Variants in COX7A2 observed in about 807,000 individuals in gnomAD.
The protein encoded by COX7A2 is cytochrome c oxidase subunit 7A2, mitochondrial.
COX7A2 carries 11 observed loss-of-function variants against 11.6 expected under a neutral mutation model. That is an observed-to-expected ratio of 0.95 (90% CI 0.60 to 1.57). The LOEUF (loss-of-function observed/expected upper bound fraction) is 1.57, where lower values mean the gene tolerates loss of function less well. Ranked by LOEUF, COX7A2 falls within the 40% of genes most tolerant of loss-of-function variation. The pLI is 0.00. For missense variants in COX7A2, 106 were observed against 100.9 expected (o/e 1.05, Z -0.22); for synonymous variants, 30 against 38.2 (o/e 0.78, Z 0.79).
chr6:75,248,588 A>G (rs1436347300), upstream of COX7A2, among the ~76,000 whole-genome samples: 1 of 152,240 alleles, frequency 6.6e-6, no homozygotes, highest in Non-Finnish European at 1.5e-5. Context: ...CCAAAAATAT[A>G]TAAAACCAAG....
At chr6:75,240,714 A>T (rs1447445733) in intron 2 of COX7A2, 1 of 208,848 alleles carries the variant, frequency 4.8e-6, no homozygotes, top group Non-Finnish European at 9.5e-6. Context: ...TAAATATAAA[A>T]GAACCAATAA....
At chr6:75,239,090 C>T (rs893926651) in intron 3 of COX7A2, among the ~76,000 whole-genome samples, 13 of 152,216 alleles carry the variant, frequency 8.5e-5, no homozygotes, top group African/African-American at 3.1e-4. Context: ...GCTGGGATTA[C>T]AGGCATGAGC....
intron 1 of COX7A2, among the ~76,000 whole-genome samples, chr6:75,242,512 TAAAAATAAAAAATAA>T (rs1383981082): frequency 1.4e-5 from 2 of 147,412 alleles, no homozygotes; most frequent in East Asian, 4.0e-4. Context: ...GCTCAAAAAA[TAAAAATAAAAAATAA>T]AAAAATAAAA....
chr6:75,247,795 A>G (rs1358338062), upstream of COX7A2, among the ~76,000 whole-genome samples: 2 of 152,028 alleles, frequency 1.3e-5, no homozygotes, highest in African/African-American at 4.8e-5. Context: ...CCTGTATATT[A>G]TGACTTACTT....
At chr6:75,247,689 G>T (rs1380876342), upstream of COX7A2, among the ~76,000 whole-genome samples, 2 of 150,400 alleles carry the variant, frequency 1.3e-5, no homozygotes, top group Non-Finnish European at 3.0e-5. Context: ...ACTAATCTCT[G>T]ATTTTTTTTT....
chr6:75,241,066 T>C, intron 2 of COX7A2, 110 bp downstream of exon 2: 2 of 1,363,248 alleles, frequency 1.5e-6, no homozygotes, highest in Non-Finnish European at 2.0e-6. Context: ...TTTTTTGTAA[T>C]GTTTATATTG....
chr6:75,245,202 A>T (rs761674104), upstream of COX7A2, among the ~76,000 whole-genome samples: 1 of 152,174 alleles, frequency 6.6e-6, no homozygotes, highest in Non-Finnish European at 1.5e-5. Flanking sequence ...GTCCAAAAAG[A>T]GCCATGAGGC....
At chr6:75,248,470 AT>A (rs1771724619), upstream of COX7A2, among the ~76,000 whole-genome samples, 1 of 152,214 alleles carries the variant, frequency 6.6e-6, no homozygotes, top group Admixed American at 6.5e-5. Context: ...CAACCAGAAA[AT>A]GTTTAAATTT....
rs375148077 is a variant in COX7A2 at position 75,241,222 on chromosome 6, C to T, written c.62G>A (p.Arg21His). Residue 21 changes from arginine to histidine, a missense_variant, in exon 2 of 4, where the codon CGC (arginine) becomes CAC (histidine). Physicochemically the swap from Arg to His is conservative, Grantham distance 29. Transcript: ENST00000684430. ...IGQRTISTAS[R>H]RHFKNKVPEK... Reference sequence around the variant, plus strand: ...CGGAACTTTATTTTTAAAATGCCTGCGGGAAGCAGTGCTTATCGTCCTCTG... The same window carrying T: ...CGGAACTTTATTTTTAAAATGCCTGTGGGAAGCAGTGCTTATCGTCCTCTG... The T allele has an allele frequency of 3.8e-6, 6 of 1,594,544 alleles. No individual in the cohort carries two copies. Among genetic ancestry groups the T allele is most frequent in the Non-Finnish European group, 5.1e-6 (6 of 1,165,498 alleles).
Position 75,249,431 on chromosome 6 carries a change from G to A in COX7A2, c.-44+625C>T, listed in dbSNP as rs149687011. 1.0e-2 allele frequency among the ~76,000 whole-genome samples: 1,517 copies of A among 152,332 alleles called. 27 individuals are homozygous for A. The highest frequency in any genetic ancestry group is 0.031 in the Middle Eastern group (9 of 294). On this transcript the variant is annotated intron_variant, in intron 1 of 4. Transcript: ENST00000370081. Reference sequence around the variant, plus strand: ...ATATATTGTTGTTAAGAACTTGGAAGTCAGACAGATCCTGAATCTGCCATT... The same window carrying A: ...ATATATTGTTGTTAAGAACTTGGAAATCAGACAGATCCTGAATCTGCCATT...
At chr6:75,240,276 C>A (rs1345848753) in intron 3 of COX7A2, 25 bp downstream of exon 3, 11 of 1,545,230 alleles carry the variant, frequency 7.1e-6, no homozygotes, top group Non-Finnish European at 9.8e-6. Flanking sequence ...TTTCTATAAA[C>A]CTTCAAACAT....
intron 3 of COX7A2, 134 bp downstream of exon 3, chr6:75,240,167 T>G: frequency 1.9e-5 from 13 of 678,368 alleles, no homozygotes; most frequent in East Asian, 2.7e-5. Flanking sequence ...TGAATCATTA[T>G]GAGATATAGT....
At chr6:75,243,891 A>C, upstream of COX7A2, 1 of 1,489,878 alleles carries the variant, frequency 6.7e-7, no homozygotes, top group Non-Finnish European at 9.2e-7. Context: ...TAGAGAGCAA[A>C]AGAAAAACTA....
chr6:75,243,879 CAT>C (rs756258198), upstream of COX7A2: 2 of 1,555,812 alleles, frequency 1.3e-6, no homozygotes, highest in Non-Finnish European at 1.8e-6. Flanking sequence ...CGCTCCTAAC[CAT>C]AGAGAGCAAA....
chr6:75,238,086 A>G, intron 3 of COX7A2, 98 bp from the exon 4 acceptor site: 1 of 706,700 alleles, frequency 1.4e-6, no homozygotes, highest in Non-Finnish European at 2.1e-6. Context: ...TTGCATTAAG[A>G]CTACCTTAAT....
At position 75,243,801 on chromosome 6, in the gene COX7A2, C is replaced by T; in HGVS notation, c.-67G>A. On this transcript the variant is annotated 5_prime_UTR_variant, in exon 1 of 4. Coordinates refer to ENST00000684430, the MANE Select transcript of COX7A2 (RefSeq NM_001366293.2). ...CCAACGAAAATGGCCACGCCGGAAC[C>T]GGAACTACCTCCGAGTCTTGCGTAT... 2.5e-6 allele frequency: 4 copies of T among 1,614,108 alleles called. No homozygotes were observed. The highest frequency in any genetic ancestry group is 1.3e-5 in the African/African-American group (1 of 75,062).
chr6:75,248,549 A>T (rs1198021539), upstream of COX7A2, among the ~76,000 whole-genome samples: 1 of 152,198 alleles, frequency 6.6e-6, no homozygotes, highest in Non-Finnish European at 1.5e-5. Flanking sequence ...TGTATTTCTT[A>T]AATGTATTTG....
upstream of COX7A2, chr6:75,243,970 T>A: frequency 4.3e-6 from 3 of 694,478 alleles, no homozygotes; most frequent in South Asian, 3.7e-5. Flanking sequence ...GTTCCTGACC[T>A]TTTCGATGTT....
upstream of COX7A2, chr6:75,243,944 T>C: frequency 5.5e-6 from 5 of 904,970 alleles, no homozygotes; most frequent in South Asian, 4.7e-5. Flanking sequence ...GCTCGCCGTC[T>C]CAGTCCCGTG....
Sources: allele counts gnomAD v4.1 joint callset (sites outside exome capture counted in the v4.1 genomes callset), GRCh38; gene constraint gnomAD v4.1.1; transcripts MANE v1.5; gene names NCBI Gene and HGNC (gene_info 2026-07-23, HGNC 2026-07-21).